C8orf34: variants seen among roughly 807,000 people sequenced by gnomAD.
C8orf34 encodes the protein chromosome 8 open reading frame 34, also known as uncharacterized protein C8orf34.
A neutral mutation model predicts 68.3 loss-of-function variants in C8orf34; 65 were observed. That is an observed-to-expected ratio of 0.95 (90% CI 0.78 to 1.17). The LOEUF is 1.17. C8orf34 is among the 50% of genes most tolerant of loss of function. C8orf34 has a pLI of 0.00. For synonymous variants in C8orf34, 244 were observed against 241.2 expected, an observed-to-expected ratio of 1.01 and a Z score of -0.11; for missense variants, 664 against 655.4, an observed-to-expected ratio of 1.01 and a Z score of -0.14.
chr8:68,694,995 C>T (rs1036848953), intron 8 of C8orf34, among the ~76,000 whole-genome samples: 4 of 151,758 alleles, frequency 2.6e-5, no homozygotes, highest in African/African-American at 7.3e-5. Flanking sequence ...ATTTACTATC[C>T]GAATTTATAT....
chr8:68,427,340 T>C (rs1233387469), intron 1 of C8orf34, among the ~76,000 whole-genome samples: 1 of 152,180 alleles, frequency 6.6e-6, no homozygotes, highest in Non-Finnish European at 1.5e-5. Context: ...GGTACACCTA[T>C]ATCATGAATA....
chr8:68,621,558 A>T (rs1396655333), intron 7 of C8orf34, among the ~76,000 whole-genome samples: 1 of 152,218 alleles, frequency 6.6e-6, no homozygotes, highest in Non-Finnish European at 1.5e-5. Context: ...GTTATGTCAT[A>T]AATTTGGCCA....
chr8:68,798,587 A>G (rs1404181843), intron 12 of C8orf34, among the ~76,000 whole-genome samples: 3 of 152,184 alleles, frequency 2.0e-5, no homozygotes, highest in Non-Finnish European at 4.4e-5. Context: ...ACCCATAAAT[A>G]TAAAAATAAG....
intron 1 of C8orf34, among the ~76,000 whole-genome samples, chr8:68,339,592 A>T (rs960038488): frequency 9.2e-5 from 14 of 151,984 alleles, no homozygotes; most frequent in Non-Finnish European, 1.5e-4. Flanking sequence ...ATGCTACCTG[A>T]CTTCAACAGT....
intron 2 of C8orf34, 35 bp downstream of exon 2, chr8:68,439,681 T>G: frequency 6.3e-7 from 1 of 1,581,082 alleles, no homozygotes. Flanking sequence ...TAATTTGGGA[T>G]TCATTTAATG....
chr8:68,540,250 C>T (rs1586346373), intron 7 of C8orf34, among the ~76,000 whole-genome samples: 1 of 150,266 alleles, frequency 6.7e-6, no homozygotes, highest in East Asian at 2.0e-4. Context: ...TTTTACTTTT[C>T]AATTTTTTGG....
chr8:68,727,893 G>A (rs6986091), intron 10 of C8orf34, among the ~76,000 whole-genome samples: 3 of 152,184 alleles, frequency 2.0e-5, no homozygotes, highest in South Asian at 2.1e-4. Flanking sequence ...AGGGGCTGCC[G>A]AGAAGTTCTC....
intron 7 of C8orf34, among the ~76,000 whole-genome samples, chr8:68,538,459 T>C (rs567136094): frequency 2.6e-4 from 38 of 147,340 alleles, no homozygotes; most frequent in African/African-American, 9.5e-4. Flanking sequence ...GAGATATTTC[T>C]CTAAAGTGCT....
intron 8 of C8orf34, among the ~76,000 whole-genome samples, chr8:68,697,569 C>T (rs1036536739): frequency 2.6e-5 from 4 of 152,056 alleles, no homozygotes; most frequent in Non-Finnish European, 5.9e-5. Context: ...CTAGTCATCC[C>T]TAATGTTATG....
chr8:68,477,733 A>G (rs1812683619), intron 4 of C8orf34, among the ~76,000 whole-genome samples: 1 of 152,202 alleles, frequency 6.6e-6, no homozygotes. Flanking sequence ...AGGCATTTCC[A>G]TACATCCTCT....
At chr8:68,768,481 T>C (rs183797026) in intron 10 of C8orf34, among the ~76,000 whole-genome samples, 6 of 152,316 alleles carry the variant, frequency 3.9e-5, no homozygotes, top group African/African-American at 1.2e-4. Context: ...AATTAGAAAA[T>C]ACTAAGACTT....
chr8:68,709,546 C>A (rs144536472), intron 9 of C8orf34, among the ~76,000 whole-genome samples: 3 of 152,224 alleles, frequency 2.0e-5, no homozygotes, highest in African/African-American at 7.2e-5. Flanking sequence ...CCCTCTCTCC[C>A]AGCCCTGTAT....
intron 7 of C8orf34, among the ~76,000 whole-genome samples, chr8:68,599,061 G>T (rs1817625564): frequency 6.6e-6 from 1 of 151,910 alleles, no homozygotes; most frequent in South Asian, 2.1e-4. Context: ...ACAAGATTAA[G>T]TTAATATAGA....
chr8:68,662,927 G>A (rs1452881553), intron 8 of C8orf34, among the ~76,000 whole-genome samples: 1 of 152,104 alleles, frequency 6.6e-6, no homozygotes. Context: ...ATGCCTCTTT[G>A]GCATAGAGAT....
At chr8:68,349,390 G>A (rs1466678048) in intron 1 of C8orf34, among the ~76,000 whole-genome samples, 1 of 152,026 alleles carries the variant, frequency 6.6e-6, no homozygotes, top group African/African-American at 2.4e-5. Context: ...ATTTTGTTGA[G>A]AATTTTTGCA....
At chr8:68,398,735 A>G (rs745518745) in intron 1 of C8orf34, among the ~76,000 whole-genome samples, 1 of 152,186 alleles carries the variant, frequency 6.6e-6, no homozygotes, top group Non-Finnish European at 1.5e-5. Flanking sequence ...ATGATTTTAT[A>G]GCAGTTTGAA....
intron 1 of C8orf34, among the ~76,000 whole-genome samples, chr8:68,394,729 G>T (rs576489214): frequency 1.1e-4 from 16 of 152,010 alleles, no homozygotes; most frequent in African/African-American, 3.1e-4. Flanking sequence ...AGCTAGTTCC[G>T]TAATTTAGTA....
chr8:68,610,881 T>TTTTTTTTTTTA (rs1818001766), intron 7 of C8orf34, among the ~76,000 whole-genome samples: 1 of 150,496 alleles, frequency 6.6e-6, no homozygotes, highest in African/African-American at 2.4e-5. Context: ...TTTTTTTTTT[T>TTTTTTTTTTTA]GAGACAGAGT....
At chr8:68,531,281 A>G (rs183046484) in intron 6 of C8orf34, among the ~76,000 whole-genome samples, 2 of 152,164 alleles carry the variant, frequency 1.3e-5, no homozygotes, top group African/African-American at 2.4e-5. Flanking sequence ...GGATTTTTGT[A>G]TACTTGTTTA....
Sources: allele counts gnomAD v4.1 joint callset (sites outside exome capture counted in the v4.1 genomes callset), GRCh38; gene constraint gnomAD v4.1.1; transcripts MANE v1.5; gene names NCBI Gene and HGNC (gene_info 2026-07-23, HGNC 2026-07-21).